The following CSMD1 variants were observed in gnomAD, a reference collection of about 807,000 sequenced individuals.
CSMD1 encodes the protein CUB and Sushi multiple domains 1.
In CSMD1, 213 loss-of-function variants were observed where a neutral mutation model predicts 417.5. The observed-to-expected ratio is 0.51, with a 90% CI of 0.46 to 0.57. The LOEUF is 0.57. CSMD1 is among the 20% of genes least tolerant of loss of function. CSMD1 has a pLI of 0.00. For missense variants in CSMD1, 6,923 were observed against 4,529.7 expected (o/e 1.53, Z -15.17); for synonymous variants, 2,862 against 1,736.8 (o/e 1.65, Z -16.11).
intron 7 of CSMD1, among the ~76,000 whole-genome samples, chr8:3,674,786 CAA>C (rs1799287331): frequency 6.6e-6 from 1 of 152,126 alleles, no homozygotes; most frequent in East Asian, 1.9e-4. Context: ...CTATAGTTTT[CAA>C]AGAGGTGAAA....
chr8:4,803,298 C>A (rs562035326), intron 1 of CSMD1, among the ~76,000 whole-genome samples: 1 of 152,082 alleles, frequency 6.6e-6, no homozygotes, highest in Non-Finnish European at 1.5e-5. Context: ...AAAGCAATTC[C>A]CTTTAGTGTT....
At chr8:4,029,705 C>G (rs916193343) in intron 4 of CSMD1, among the ~76,000 whole-genome samples, 2 of 152,154 alleles carry the variant, frequency 1.3e-5, no homozygotes, top group African/African-American at 4.8e-5. Flanking sequence ...ACCATGCCTT[C>G]CCAACAGTCC....
intron 1 of CSMD1, among the ~76,000 whole-genome samples, chr8:4,837,451 G>C (rs760408017): frequency 6.6e-6 from 1 of 152,196 alleles, no homozygotes; most frequent in African/African-American, 2.4e-5. Flanking sequence ...CAACATGGAT[G>C]CAACTGGAGA....
At chr8:3,591,043 G>C (rs866411754) in intron 8 of CSMD1, among the ~76,000 whole-genome samples, 128 of 152,298 alleles carry the variant, frequency 8.4e-4, no homozygotes, top group Middle Eastern at 3.4e-3. Context: ...AAAAAAGCTA[G>C]CAGTGCCTTT....
At chr8:4,412,085 G>C (rs1367711150) in intron 3 of CSMD1, among the ~76,000 whole-genome samples, 1 of 151,878 alleles carries the variant, frequency 6.6e-6, no homozygotes, top group East Asian at 1.9e-4. Flanking sequence ...TTCTCAACGT[G>C]CAAGAGTGCG....
intron 11 of CSMD1, among the ~76,000 whole-genome samples, chr8:3,480,096 C>G (rs1211351039): frequency 6.6e-6 from 1 of 152,116 alleles, no homozygotes; most frequent in Non-Finnish European, 1.5e-5. Flanking sequence ...TGGTGACTCA[C>G]ATCTGTAATC....
chr8:4,173,654 G>A (rs1797886053), intron 3 of CSMD1, among the ~76,000 whole-genome samples: 1 of 152,090 alleles, frequency 6.6e-6, no homozygotes, highest in African/African-American at 2.4e-5. Flanking sequence ...CCACTTTTCA[G>A]ACCCAAAACT....
intron 5 of CSMD1, among the ~76,000 whole-genome samples, chr8:3,985,593 G>A (rs1029847730): frequency 2.0e-5 from 3 of 152,048 alleles, no homozygotes; most frequent in Non-Finnish European, 4.4e-5. Flanking sequence ...TATTTGAAGG[G>A]GCGCCACCTT....
chr8:3,694,945 G>A (rs1051560680), intron 7 of CSMD1, among the ~76,000 whole-genome samples: 1 of 152,054 alleles, frequency 6.6e-6, no homozygotes, highest in Non-Finnish European at 1.5e-5. Context: ...TGCCAGTTCA[G>A]TATGTCAAGA....
intron 23 of CSMD1, among the ~76,000 whole-genome samples, chr8:3,324,610 C>G (rs1371274120): frequency 6.6e-6 from 1 of 151,886 alleles, no homozygotes; most frequent in Non-Finnish European, 1.5e-5. Flanking sequence ...TTCCTTCCCC[C>G]CACCTTTCAT....
intron 3 of CSMD1, among the ~76,000 whole-genome samples, chr8:4,240,489 G>T (rs1441922908): frequency 1.3e-5 from 2 of 152,286 alleles, no homozygotes; most frequent in South Asian, 2.1e-4. Context: ...AAGATGAAAT[G>T]ACACAAAGCC....
At chr8:3,749,728 T>C (rs920692088) in intron 6 of CSMD1, among the ~76,000 whole-genome samples, 2 of 152,126 alleles carry the variant, frequency 1.3e-5, no homozygotes, top group Non-Finnish European at 2.9e-5. Context: ...ATACGGTTTA[T>C]GTTTTTTTTT....
chr8:3,342,491 T>C (rs1056737363), intron 23 of CSMD1, among the ~76,000 whole-genome samples: 24 of 152,346 alleles, frequency 1.6e-4, no homozygotes, highest in African/African-American at 5.8e-4. Context: ...TTTAATTAAT[T>C]AGTTAATTTT....
chr8:4,463,483 A>C (rs1227666579), intron 2 of CSMD1, among the ~76,000 whole-genome samples: 1 of 152,246 alleles, frequency 6.6e-6, no homozygotes, highest in African/African-American at 2.4e-5. Flanking sequence ...AGAGTTATTC[A>C]TAATTGCAAA....
At chr8:3,202,524 G>A (rs1478723086) in intron 31 of CSMD1, among the ~76,000 whole-genome samples, 2 of 152,156 alleles carry the variant, frequency 1.3e-5, no homozygotes, top group Non-Finnish European at 1.5e-5. Flanking sequence ...TCAGATTGAC[G>A]ATACAGAGGG....
At chr8:3,697,288 C>G (rs886644295) in intron 7 of CSMD1, among the ~76,000 whole-genome samples, 1 of 152,096 alleles carries the variant, frequency 6.6e-6, no homozygotes, top group African/African-American at 2.4e-5. Flanking sequence ...AGGATTTAAC[C>G]AGAAAACATT....
intron 2 of CSMD1, among the ~76,000 whole-genome samples, chr8:4,602,199 T>C (rs17070751): frequency 0.011 from 1,669 of 152,302 alleles, 33 homozygotes; most frequent in African/African-American, 0.039. Context: ...TCTTGAGGCA[T>C]TGCCTTTCCA....
At chr8:3,388,785 T>C (rs1811163481) in intron 17 of CSMD1, among the ~76,000 whole-genome samples, 1 of 152,172 alleles carries the variant, frequency 6.6e-6, no homozygotes, top group Non-Finnish European at 1.5e-5. Flanking sequence ...CTTCCAACTC[T>C]GGAGGAGCTT....
intron 5 of CSMD1, among the ~76,000 whole-genome samples, chr8:3,802,174 A>G (rs1056276240): frequency 3.3e-5 from 5 of 152,168 alleles, no homozygotes; most frequent in African/African-American, 1.2e-4. Context: ...TACTATGACA[A>G]TAAAGAAAGA....
Sources: gnomAD v4.1 joint callset for allele counts (sites outside exome capture counted in the v4.1 genomes callset) on GRCh38, gnomAD v4.1.1 for gene constraint, MANE v1.5 for transcripts, NCBI Gene and HGNC (gene_info 2026-07-23, HGNC 2026-07-21) for gene names.